The following ADAM17 variants were observed in gnomAD, a reference collection of about 807,000 sequenced individuals.
ADAM17 encodes the protein ADAM metallopeptidase domain 17.
In ADAM17, 39 loss-of-function variants were observed where a neutral mutation model predicts 96.7. The observed-to-expected ratio is 0.40, with a 90% CI of 0.31 to 0.53. The LOEUF is 0.53. ADAM17 is among the 20% of genes least tolerant of loss of function. The pLI is 0.44. For missense variants in ADAM17, 777 were observed against 1,013.2 expected, an observed-to-expected ratio of 0.77 and a Z score of 3.17; for synonymous variants, 344 against 359.2, an observed-to-expected ratio of 0.96 and a Z score of 0.48.
intron 1 of ADAM17, among the ~76,000 whole-genome samples, chr2:9,544,648 A>G (rs1220548314): frequency 6.6e-6 from 1 of 152,178 alleles, no homozygotes; most frequent in Non-Finnish European, 1.5e-5. Flanking sequence ...AAACATGGTG[A>G]AACCCAGTCT....
At chr2:9,537,802 G>C (rs1222874522) in intron 2 of ADAM17, among the ~76,000 whole-genome samples, 1 of 149,560 alleles carries the variant, frequency 6.7e-6, no homozygotes, top group Non-Finnish European at 1.5e-5. Flanking sequence ...CACAATTACA[G>C]TTAGGAAAAT....
rs1342079795 is a variant in ADAM17, at chr2:9,515,744, AAAAAAAAG to A, written c.1191+2149_1191+2156del. Among the ~76,000 whole-genome samples, 400 of 149,742 alleles carry A rather than the reference AAAAAAAAG, an allele frequency of 2.7e-3. 3 individuals carry two copies. The highest frequency in any genetic ancestry group is 9.6e-3 in the African/African-American group (380 of 39,656). On this transcript the variant is annotated intron_variant, in intron 10 of 18. Transcript: ENST00000310823. ...AGTGAAACTCCGTCTCCAAAAAAAA[AAAAAAAAG>A]AAAAAAGAAAAAGAAAAGAAACTGC...
chr2:9,553,935 G>A (rs1665662041), intron 1 of ADAM17, among the ~76,000 whole-genome samples: 1 of 151,916 alleles, frequency 6.6e-6, no homozygotes, highest in Non-Finnish European at 1.5e-5. Flanking sequence ...GGTGGCACAT[G>A]CCTGTAATCC....
rs758941402 is a variant in ADAM17 at position 9,505,297 on chromosome 2, T to C, written c.1413A>G (p.Gln471=). ...TCCCACAAACTTTATTGCTGCGTTC[T>C]TGAAAACACTCCTGGGCCTTACTTT... ...TIESKAQECF[Q]ERSNKVCGNS... is the part of the protein sequence containing the mutation. The change falls in exon 12 of 19, where the codon CAA becomes CAG. Residue 471 remains glutamine (Q), a synonymous_variant. Coordinates refer to ENST00000310823, the MANE Select transcript of ADAM17 (RefSeq NM_003183.6). 2.3e-5 allele frequency: 37 copies of C among 1,614,226 alleles called. No individual in the cohort carries two copies. The East Asian group carries it at 5.1e-4, about 22-fold the overall frequency.
intron 1 of ADAM17, among the ~76,000 whole-genome samples, 154 bp downstream of exon 1, chr2:9,555,355 C>G (rs1157435317): frequency 6.6e-6 from 1 of 152,194 alleles, no homozygotes; most frequent in Non-Finnish European, 1.5e-5. Context: ...TCCCCAAACT[C>G]CGAGAGCCAC....
rs1003455194 is a variant in ADAM17, at chr2:9,507,513, T to A, written c.1345-2148A>T. Among the ~76,000 whole-genome samples, 3 of 152,032 alleles carry A rather than the reference T, an allele frequency of 2.0e-5. No homozygotes were observed. The South Asian group carries it at 6.2e-4, about 32-fold the overall frequency. ...TGAGACTCCACTCAAAAAATCATAA[T>A]AAATAATAATAAATAAATAAAACAT... is the stretch of plus-strand genomic sequence containing the variant. On this transcript the variant is annotated intron_variant, in intron 11 of 18. Transcript: ENST00000310823.
Position 9,494,771 on chromosome 2 carries a change from G to C in ADAM17, c.1784-4C>G. Reference sequence around the variant, plus strand: ...ACCTTGCAGGAGTTGTCAGTTTCTGGAACAGAGAACACGCATTGACAGCTG... The same window carrying C: ...ACCTTGCAGGAGTTGTCAGTTTCTGCAACAGAGAACACGCATTGACAGCTG... On this transcript the variant is annotated splice_polypyrimidine_tract_variant and splice_region_variant and intron_variant, in intron 14 of 18. Transcript: ENST00000310823. 6.2e-7 allele frequency: 1 copy of C among 1,613,818 alleles called. No homozygotes were observed. Among genetic ancestry groups the C allele is most frequent in the African/African-American group, 1.3e-5 (1 of 75,048 alleles).
At chr2:9,542,302 G>C (rs1385822951) in intron 2 of ADAM17, among the ~76,000 whole-genome samples, 1 of 152,154 alleles carries the variant, frequency 6.6e-6, no homozygotes, top group East Asian at 1.9e-4. Flanking sequence ...CACTTTGGGA[G>C]GCCAAGATGG....
At chr2:9,528,194 ATACT>A (rs1425041958) in intron 4 of ADAM17, among the ~76,000 whole-genome samples, 2 of 152,242 alleles carry the variant, frequency 1.3e-5, no homozygotes, top group East Asian at 3.8e-4. Context: ...AAAGCCTTAC[ATACT>A]TTGCACGTTG....
At chr2:9,536,181 T>A (rs935755990) in intron 3 of ADAM17, among the ~76,000 whole-genome samples, 1 of 152,200 alleles carries the variant, frequency 6.6e-6, no homozygotes, top group Non-Finnish European at 1.5e-5. Context: ...AATAATTTTA[T>A]CTACTTCTAG....
At chr2:9,529,659 G>A (rs972881714) in intron 4 of ADAM17, among the ~76,000 whole-genome samples, 1 of 152,088 alleles carries the variant, frequency 6.6e-6, no homozygotes, top group African/African-American at 2.4e-5. Flanking sequence ...ATGAGGTGGT[G>A]TTTGCACAAC....
chr2:9,549,434 A>T (rs139055903), intron 1 of ADAM17, among the ~76,000 whole-genome samples: 1 of 152,242 alleles, frequency 6.6e-6, no homozygotes, highest in Non-Finnish European at 1.5e-5. Flanking sequence ...ATATATACAC[A>T]TAAGTATAGT....
chr2:9,495,061 A>G (rs1201409757), intron 14 of ADAM17, among the ~76,000 whole-genome samples: 2 of 152,066 alleles, frequency 1.3e-5, no homozygotes, highest in African/African-American at 2.4e-5. Flanking sequence ...GCCCCTCACA[A>G]TGCTCTTCTA....
chr2:9,502,109 T>G (rs1404170006), intron 13 of ADAM17, 64 bp downstream of exon 13: 10 of 1,397,336 alleles, frequency 7.2e-6, no homozygotes, highest in Non-Finnish European at 1.0e-5. Context: ...AACATAATCT[T>G]GTTTTTCAAA....
At chr2:9,523,927 G>A (rs1351660620) in intron 6 of ADAM17, among the ~76,000 whole-genome samples, 1 of 150,754 alleles carries the variant, frequency 6.6e-6, no homozygotes, top group Non-Finnish European at 1.5e-5. Flanking sequence ...CAGGGGTGCA[G>A]TACAGCGGCA....
At chr2:9,492,746 C>T (rs867052757) in intron 17 of ADAM17, 152 bp downstream of exon 17, 3 of 562,322 alleles carry the variant, frequency 5.3e-6, no homozygotes, top group African/African-American at 1.9e-5. Flanking sequence ...TTCTACAAGA[C>T]ATGTTCCCCT....
chr2:9,549,768 C>T (rs1329923048), intron 1 of ADAM17, among the ~76,000 whole-genome samples: 2 of 152,196 alleles, frequency 1.3e-5, no homozygotes, highest in Non-Finnish European at 2.9e-5. Context: ...ATCCTTCCCC[C>T]TTAGCTTTCC....
intron 10 of ADAM17, among the ~76,000 whole-genome samples, chr2:9,515,406 G>T (rs1333431564): frequency 6.6e-6 from 1 of 152,006 alleles, no homozygotes; most frequent in Non-Finnish European, 1.5e-5. Flanking sequence ...TATCTTGGTT[G>T]CTTCCAAGTT....
chr2:9,514,800 A>G (rs554855793), intron 10 of ADAM17, among the ~76,000 whole-genome samples: 3 of 151,790 alleles, frequency 2.0e-5, no homozygotes, highest in Non-Finnish European at 4.4e-5. Context: ...GCATGAACCC[A>G]GGAGACAGAG....
Sources: gnomAD v4.1 joint callset for allele counts (sites outside exome capture counted in the v4.1 genomes callset) on GRCh38, gnomAD v4.1.1 for gene constraint, MANE v1.5 for transcripts, NCBI Gene and HGNC (gene_info 2026-07-23, HGNC 2026-07-21) for gene names.